Variants in NTRK3 observed in about 807,000 individuals in gnomAD.
The protein encoded by NTRK3 is NT-3 growth factor receptor.
A neutral mutation model predicts 91.7 loss-of-function variants in NTRK3; 24 were observed. That is an observed-to-expected ratio of 0.26 (90% CI 0.19 to 0.37). The LOEUF (loss-of-function observed/expected upper bound fraction) is 0.37. Among genes scored for constraint, NTRK3 ranks in the 10% least tolerant of loss-of-function variants. The pLI, the probability that NTRK3 is intolerant of heterozygous loss-of-function variation, is 1.00. For synonymous variants in NTRK3, 483 were observed against 404.0 expected (o/e 1.20, Z -2.34); for missense variants, 880 against 1,068.9 (o/e 0.82, Z 2.46).
intron 17 of NTRK3, among the ~76,000 whole-genome samples, chr15:87,889,032 C>A (rs1348137360): frequency 2.0e-5 from 3 of 152,164 alleles, no homozygotes; most frequent in Non-Finnish European, 4.4e-5. Flanking sequence ...CTCTTCCCAG[C>A]CTTCTCCCCC....
At chr15:87,912,379 C>T (rs887122283) in intron 17 of NTRK3, among the ~76,000 whole-genome samples, 4 of 152,128 alleles carry the variant, frequency 2.6e-5, no homozygotes, top group Admixed American at 6.6e-5. Context: ...CCTTGAAAAA[C>T]CTAACTTAAC....
intron 14 of NTRK3, among the ~76,000 whole-genome samples, chr15:87,965,403 G>A (rs2072694653): frequency 6.6e-6 from 1 of 152,166 alleles, no homozygotes; most frequent in Admixed American, 6.5e-5. Context: ...AGCCGGGAAG[G>A]GGCAGCCCCT....
intron 13 of NTRK3, among the ~76,000 whole-genome samples, chr15:88,087,866 T>G (rs752634562): frequency 6.6e-6 from 1 of 152,136 alleles, no homozygotes; most frequent in Non-Finnish European, 1.5e-5. Flanking sequence ...CTGGCCAACA[T>G]GGTGAAACCT....
At chr15:88,135,926 T>G (rs1428669974) in exon 9 of NTRK3, 2 of 1,614,230 alleles carry the variant, frequency 1.2e-6, no homozygotes, top group Non-Finnish European at 8.5e-7. Flanking sequence ...ACACTGGCAT[T>G]GCTCATGCCC....
intron 14 of NTRK3, among the ~76,000 whole-genome samples, chr15:87,968,901 C>T (rs1350616021): frequency 5.3e-5 from 8 of 152,134 alleles, no homozygotes; most frequent in Non-Finnish European, 1.2e-4. Flanking sequence ...TTATCACTGA[C>T]CAAAATAAAC....
At chr15:87,906,870 ACTTTAT>A (rs1318513360) in intron 17 of NTRK3, among the ~76,000 whole-genome samples, 6 of 151,840 alleles carry the variant, frequency 4.0e-5, no homozygotes, top group Admixed American at 1.3e-4. Flanking sequence ...TATATACTTT[ACTTTAT>A]CTTTATTTTT....
chr15:88,171,569 A>G (rs561554676), intron 5 of NTRK3, among the ~76,000 whole-genome samples: 192 of 152,298 alleles, frequency 1.3e-3, no homozygotes, highest in African/African-American at 4.4e-3. Flanking sequence ...GGTGTGGGAC[A>G]TGCCATTTAC....
intron 3 of NTRK3, among the ~76,000 whole-genome samples, chr15:88,204,320 T>A (rs1290248597): frequency 6.6e-6 from 1 of 152,160 alleles, no homozygotes; most frequent in Non-Finnish European, 1.5e-5. Context: ...CCTATTACCT[T>A]CTAACTTGAA....
chr15:87,964,678 A>T (rs1235618670), intron 14 of NTRK3, among the ~76,000 whole-genome samples: 2 of 152,134 alleles, frequency 1.3e-5, no homozygotes, highest in African/African-American at 4.8e-5. Context: ...GGCAGCCACT[A>T]ATATAATTTC....
intron 14 of NTRK3, among the ~76,000 whole-genome samples, chr15:88,022,106 C>T (rs2077642410): frequency 6.6e-6 from 1 of 152,204 alleles, no homozygotes; most frequent in Middle Eastern, 3.4e-3. Context: ...GTCCATCATC[C>T]ACCATCACAT....
At chr15:88,212,319 G>A (rs1000255945) in intron 3 of NTRK3, among the ~76,000 whole-genome samples, 3 of 152,170 alleles carry the variant, frequency 2.0e-5, no homozygotes, top group Non-Finnish European at 4.4e-5. Flanking sequence ...GCAGTGAGCC[G>A]AGATCGCGCC....
chr15:88,001,572 C>T (rs2076099212), intron 14 of NTRK3, among the ~76,000 whole-genome samples: 1 of 152,094 alleles, frequency 6.6e-6, no homozygotes, highest in African/African-American at 2.4e-5. Flanking sequence ...CTCATTGTCC[C>T]AGGACTATTT....
intron 15 of NTRK3, 141 bp from the exon 16 acceptor site, chr15:87,933,325 T>C (rs1015980714): frequency 2.4e-6 from 2 of 818,510 alleles, no homozygotes; most frequent in African/African-American, 3.5e-5. Flanking sequence ...ACAATGAAGC[T>C]CAATCTCAAC....
chr15:88,103,788 A>C (rs1019257729), intron 13 of NTRK3, among the ~76,000 whole-genome samples: 1 of 152,096 alleles, frequency 6.6e-6, no homozygotes, highest in Admixed American at 6.5e-5. Context: ...CCATTCCCCC[A>C]CAGAGTCCCC....
At chr15:88,151,570 C>T (rs2043380051) in intron 5 of NTRK3, among the ~76,000 whole-genome samples, 1 of 152,184 alleles carries the variant, frequency 6.6e-6, no homozygotes, top group Non-Finnish European at 1.5e-5. Flanking sequence ...TCATCTTCTA[C>T]CCTGGGAAAC....
chr15:88,132,417 AGTGATT>A (rs2041447500), intron 10 of NTRK3, among the ~76,000 whole-genome samples: 1 of 152,204 alleles, frequency 6.6e-6, no homozygotes, highest in African/African-American at 2.4e-5. Flanking sequence ...GGCACAGAGA[AGTGATT>A]GTCCTCCATC....
intron 5 of NTRK3, among the ~76,000 whole-genome samples, chr15:88,173,249 GC>G (rs1341803764): frequency 6.6e-6 from 1 of 152,174 alleles, no homozygotes; most frequent in African/African-American, 2.4e-5. Context: ...TGTTGAAGTT[GC>G]GCACATAGGC....
chr15:88,133,373 CA>C (rs2041566984), intron 10 of NTRK3, among the ~76,000 whole-genome samples: 1 of 152,124 alleles, frequency 6.6e-6, no homozygotes, highest in South Asian at 2.1e-4. Context: ...GCTGCTACCC[CA>C]CACCTCTCAG....
At chr15:88,001,216 T>C (rs2076077654) in intron 14 of NTRK3, among the ~76,000 whole-genome samples, 1 of 152,174 alleles carries the variant, frequency 6.6e-6, no homozygotes, top group Non-Finnish European at 1.5e-5. Context: ...GTTGTAAGTG[T>C]TCTTTATATA....
Sources: gnomAD v4.1 joint callset for allele counts (sites outside exome capture counted in the v4.1 genomes callset) on GRCh38, gnomAD v4.1.1 for gene constraint, MANE v1.5 for transcripts, NCBI Gene and HGNC (gene_info 2026-07-23, HGNC 2026-07-21) for gene names.